CHODL: variants seen among roughly 807,000 people sequenced by gnomAD.
The protein encoded by CHODL is chondrolectin, also known as transmembrane protein MT75.
CHODL carries 29 observed loss-of-function variants against 34.5 expected under a neutral mutation model. The observed-to-expected ratio is 0.84, with a 90% CI of 0.63 to 1.15. CHODL has a LOEUF of 1.15. CHODL is among the 50% of genes most tolerant of loss of function. The pLI is 0.00. For synonymous variants in CHODL, 125 were observed against 116.1 expected (o/e 1.08, Z -0.49); for missense variants, 332 against 332.5 (o/e 1.00, Z 0.01).
At chr21:18,265,521 G>A (rs949482849) in intron 5 of CHODL, among the ~76,000 whole-genome samples, 4 of 151,956 alleles carry the variant, frequency 2.6e-5, no homozygotes, top group African/African-American at 7.3e-5. Context: ...GGGACTCAGA[G>A]GGAAAGAGTA....
chr21:18,222,015 A>G (rs1339250913), intron 2 of CHODL, among the ~76,000 whole-genome samples: 1 of 152,200 alleles, frequency 6.6e-6, no homozygotes, highest in Non-Finnish European at 1.5e-5. Context: ...TGTAGGGTGC[A>G]TCAGCACCAA....
chr21:18,157,400 T>C (rs2073047003), intron 2 of CHODL, among the ~76,000 whole-genome samples: 1 of 152,256 alleles, frequency 6.6e-6, no homozygotes, highest in Non-Finnish European at 1.5e-5. Flanking sequence ...AGATTACATA[T>C]TCTGATAACA....
chr21:17,932,168 A>C (rs997123980), intron 1 of CHODL, among the ~76,000 whole-genome samples: 1 of 152,248 alleles, frequency 6.6e-6, no homozygotes, highest in African/African-American at 2.4e-5. Flanking sequence ...GACACTGCTC[A>C]AAAGAATACA....
At chr21:17,998,454 C>T (rs763199684) in intron 1 of CHODL, among the ~76,000 whole-genome samples, 5 of 152,210 alleles carry the variant, frequency 3.3e-5, no homozygotes, top group Non-Finnish European at 7.3e-5. Flanking sequence ...AGGTGGTGCC[C>T]CAGTAGGGAA....
Position 18,013,635 on chromosome 21 carries a change from C to CTTTTTTTTTTTTTTTTTTTTTTTTTTTT in CHODL, c.-144-14220_-144-14219insTTTTTTTTTTTTTTTTTTTTTTTTTTTT, listed in dbSNP as rs1212894827. 3.1e-4 allele frequency among the ~76,000 whole-genome samples: 22 copies of CTTTTTTTTTTTTTTTTTTTTTTTTTTTT among 71,890 alleles called. 7 individuals are homozygous for CTTTTTTTTTTTTTTTTTTTTTTTTTTTT. Among genetic ancestry groups the CTTTTTTTTTTTTTTTTTTTTTTTTTTTT allele is most frequent in the African/African-American group, 4.4e-4 (7 of 15,804 alleles). 47.2% of individuals were successfully genotyped at this position (71,890 alleles called of 152,430 possible). A position where few individuals can be genotyped will look rare whatever the true frequency, so the allele number is the denominator to read the frequency against. ...GATCATTGATTTTCTGCTGCTGCTG[C>CTTTTTTTTTTTTTTTTTTTTTTTTTTTT]TTTTTTTTTTTTTTTTTGAGACAGA... On this transcript the variant is annotated intron_variant, in intron 1 of 6. Coordinates refer to the CHODL transcript ENST00000400127.
At chr21:18,124,923 TAA>T (rs2065523639) in intron 2 of CHODL, among the ~76,000 whole-genome samples, 1 of 152,182 alleles carries the variant, frequency 6.6e-6, no homozygotes, top group African/African-American at 2.4e-5. Context: ...GCAAGTTAAA[TAA>T]GTTAGCCAGG....
At chr21:18,107,826 A>G (rs949918825) in intron 2 of CHODL, among the ~76,000 whole-genome samples, 1 of 152,224 alleles carries the variant, frequency 6.6e-6, no homozygotes, top group Non-Finnish European at 1.5e-5. Context: ...TTAAAAAGTG[A>G]GAAGTACAAT....
intron 2 of CHODL, among the ~76,000 whole-genome samples, chr21:18,113,219 TATC>T (rs2065372492): frequency 6.6e-6 from 1 of 152,174 alleles, no homozygotes; most frequent in African/African-American, 2.4e-5. Flanking sequence ...TACAGTGAGA[TATC>T]ATCTCACCTC....
At chr21:18,124,245 G>T (rs2065515345) in intron 2 of CHODL, among the ~76,000 whole-genome samples, 1 of 152,132 alleles carries the variant, frequency 6.6e-6, no homozygotes, top group South Asian at 2.1e-4. Flanking sequence ...GTTATTGTAT[G>T]TCTGGTCATC....
At chr21:18,246,517 C>G (rs1415946724) in intron 1 of CHODL, among the ~76,000 whole-genome samples, 1 of 152,166 alleles carries the variant, frequency 6.6e-6, no homozygotes, top group Non-Finnish European at 1.5e-5. Context: ...ACCGATCACT[C>G]TACACTTTTT....
In CHODL at chr21:17,938,651, T is replaced by C. The variant is rs192749359; in HGVS notation, c.-145+21251T>C. Among the ~76,000 whole-genome samples the C allele has an allele frequency of 6.9e-4, 105 of 152,142 alleles. No individual in the cohort carries two copies. In the East Asian group the frequency reaches 0.016, roughly 23 times the overall value. On this transcript the variant is annotated intron_variant, in intron 1 of 6. Coordinates refer to the CHODL transcript ENST00000400127. Reference sequence around the variant, plus strand: ...CCGCCACCGCGCCTGGCTAATGTTTTGTATTTTTAGTAGAGACGGGGTTTC... The same window carrying C: ...CCGCCACCGCGCCTGGCTAATGTTTCGTATTTTTAGTAGAGACGGGGTTTC...
At chr21:17,920,741 G>A (rs1022517862) in intron 1 of CHODL, among the ~76,000 whole-genome samples, 9 of 152,186 alleles carry the variant, frequency 5.9e-5, no homozygotes, top group Non-Finnish European at 7.3e-5. Context: ...AGTAGAGAGT[G>A]AGATCTATCG....
chr21:18,151,304 G>T (rs1176465102), intron 2 of CHODL, among the ~76,000 whole-genome samples: 3 of 152,026 alleles, frequency 2.0e-5, no homozygotes, highest in Non-Finnish European at 2.9e-5. Context: ...GTACACAGTT[G>T]TCCATGCTGC....
intron 2 of CHODL, among the ~76,000 whole-genome samples, chr21:18,194,370 C>T (rs1184460845): frequency 6.6e-6 from 1 of 152,188 alleles, no homozygotes; most frequent in Non-Finnish European, 1.5e-5. Context: ...TCTAGGTCTC[C>T]ATGCTTCAGC....
chr21:18,265,184 T>C (rs1431741368), intron 5 of CHODL, among the ~76,000 whole-genome samples: 1 of 146,448 alleles, frequency 6.8e-6, no homozygotes. Flanking sequence ...TATATGTATA[T>C]ATATATATAC....
At chr21:18,096,993 A>G (rs2065147863) in intron 2 of CHODL, among the ~76,000 whole-genome samples, 1 of 152,138 alleles carries the variant, frequency 6.6e-6, no homozygotes, top group African/African-American at 2.4e-5. Flanking sequence ...ATAGAAAAGA[A>G]CCCACGTTGA....
intron 1 of CHODL, among the ~76,000 whole-genome samples, chr21:17,995,081 G>A (rs1037266541): frequency 3.9e-5 from 6 of 152,240 alleles, no homozygotes; most frequent in African/African-American, 1.4e-4. Context: ...ACAGCGTCAT[G>A]ATGCTGCAGC....
intron 2 of CHODL, among the ~76,000 whole-genome samples, chr21:18,207,075 C>T (rs886806515): frequency 2.6e-5 from 4 of 152,000 alleles, no homozygotes; most frequent in East Asian, 1.9e-4. Context: ...TGATGTTCCC[C>T]GCCCTGTGTC....
chr21:18,208,417 A>T (rs2073737409), intron 2 of CHODL, among the ~76,000 whole-genome samples: 1 of 152,126 alleles, frequency 6.6e-6, no homozygotes, highest in South Asian at 2.1e-4. Flanking sequence ...GAGTTTCCTT[A>T]AAAACAGCTA....
Sources: allele counts gnomAD v4.1 joint callset (sites outside exome capture counted in the v4.1 genomes callset), GRCh38; gene constraint gnomAD v4.1.1; transcripts MANE v1.5; gene names NCBI Gene and HGNC (gene_info 2026-07-23, HGNC 2026-07-21).